The following DAPK2 variants were observed in gnomAD, a reference collection of about 807,000 sequenced individuals.
DAPK2 encodes death associated protein kinase 2, also known as death-associated protein kinase 2.
In DAPK2, 35 loss-of-function variants were observed where a neutral mutation model predicts 44.1. That is an observed-to-expected ratio of 0.79 (90% CI 0.61 to 1.05). The LOEUF (loss-of-function observed/expected upper bound fraction) is 1.05, where lower values mean the gene tolerates loss of function less well. Ranked by LOEUF, DAPK2 falls within the 50% of genes least tolerant of loss-of-function variation. The probability of loss-of-function intolerance (pLI) is 0.00; values close to 1 mark genes in which losing one functional copy is unlikely to be tolerated. For synonymous variants in DAPK2, 174 were observed against 182.6 expected (o/e 0.95, Z 0.38); for missense variants, 453 against 483.2 (o/e 0.94, Z 0.59).
chr15:63,989,315 C>A (rs2078753838), intron 1 of DAPK2, among the ~76,000 whole-genome samples: 1 of 151,774 alleles, frequency 6.6e-6, no homozygotes, highest in Non-Finnish European at 1.5e-5. Context: ...TATGATCATA[C>A]CACTGCACTT....
At chr15:63,987,260 T>C (rs1211081199) in intron 1 of DAPK2, among the ~76,000 whole-genome samples, 1 of 152,060 alleles carries the variant, frequency 6.6e-6, no homozygotes, top group African/African-American at 2.4e-5. Context: ...CAACAGGCCT[T>C]TTTCTGCACA....
At chr15:63,983,469 G>C (rs557453626) in intron 2 of DAPK2, 64 bp downstream of exon 3, 1 of 1,517,688 alleles carries the variant, frequency 6.6e-7, no homozygotes, top group South Asian at 1.1e-5. Flanking sequence ...TGTGGCTGGA[G>C]TTTCCACTGC....
At chr15:63,969,886 C>A (rs2078163679) in intron 3 of DAPK2, among the ~76,000 whole-genome samples, 1 of 152,198 alleles carries the variant, frequency 6.6e-6, no homozygotes, top group African/African-American at 2.4e-5. Context: ...GGCATAGCCA[C>A]TGTGAGATAA....
At chr15:64,002,677 C>T (rs1319606012) in intron 1 of DAPK2, among the ~76,000 whole-genome samples, 4 of 152,168 alleles carry the variant, frequency 2.6e-5, no homozygotes, top group African/African-American at 7.2e-5. Flanking sequence ...AAAGGCCACA[C>T]ACATGCAAGG....
At chr15:64,015,018 G>A (rs1173411511) in intron 1 of DAPK2, among the ~76,000 whole-genome samples, 1 of 152,188 alleles carries the variant, frequency 6.6e-6, no homozygotes, top group Non-Finnish European at 1.5e-5. Flanking sequence ...ATGCAGTAAG[G>A]AAGAATGCTA....
At chr15:63,932,900 T>G (rs752642760) in intron 4 of DAPK2, among the ~76,000 whole-genome samples, 27 of 152,366 alleles carry the variant, frequency 1.8e-4, no homozygotes, top group Admixed American at 3.9e-4. Context: ...TCATCCATGC[T>G]TTTTACATTT....
chr15:63,929,723 C>T (rs746263277), intron 5 of DAPK2, 146 bp from the exon 7 acceptor site: 11 of 908,888 alleles, frequency 1.2e-5, no homozygotes, highest in Admixed American at 4.0e-5. Context: ...CACCCATCTC[C>T]ATCCTGCTCT....
chr15:64,035,604 T>G (rs2080158522), intron 1 of DAPK2, among the ~76,000 whole-genome samples: 1 of 152,228 alleles, frequency 6.6e-6, no homozygotes, highest in Admixed American at 6.5e-5. Flanking sequence ...CTTAGCCTCA[T>G]CTACAAAATG....
At chr15:63,946,415 GGACA>G (rs754090490) in intron 3 of DAPK2, among the ~76,000 whole-genome samples, 3 of 152,234 alleles carry the variant, frequency 2.0e-5, no homozygotes, top group Non-Finnish European at 2.9e-5. Flanking sequence ...TATGAAAACT[GGACA>G]GACACTGGAG....
intron 3 of DAPK2, chr15:63,942,098 G>A (rs1047953583): frequency 7.6e-6 from 4 of 525,562 alleles, no homozygotes; most frequent in Non-Finnish European, 9.8e-6. Context: ...AATGGGGGTG[G>A]GAGCCAGACC....
chr15:63,953,836 A>AGT (rs2077653619), intron 3 of DAPK2, among the ~76,000 whole-genome samples: 1 of 152,164 alleles, frequency 6.6e-6, no homozygotes, highest in African/African-American at 2.4e-5. Context: ...ATGATGTCTC[A>AGT]CTGGAGTTTT....
intron 3 of DAPK2, 127 bp downstream of exon 4, chr15:63,971,296 A>T: frequency 8.5e-7 from 1 of 1,180,580 alleles, no homozygotes; most frequent in Non-Finnish European, 1.2e-6. Context: ...CCATGAGCTC[A>T]GGGTTTTTCA....
chr15:63,998,120 T>C (rs2078996046), intron 1 of DAPK2, among the ~76,000 whole-genome samples: 1 of 152,184 alleles, frequency 6.6e-6, no homozygotes, highest in African/African-American at 2.4e-5. Context: ...GCCTGACATA[T>C]CCTTGGTGCT....
At chr15:63,963,154 C>A (rs1694385273) in intron 3 of DAPK2, among the ~76,000 whole-genome samples, 1 of 152,228 alleles carries the variant, frequency 6.6e-6, no homozygotes, top group African/African-American at 2.4e-5. Flanking sequence ...CTGAGCCAGG[C>A]ACGGGATACA....
At chr15:64,008,511 T>G (rs1200521817) in intron 1 of DAPK2, among the ~76,000 whole-genome samples, 3 of 152,184 alleles carry the variant, frequency 2.0e-5, no homozygotes, top group South Asian at 2.1e-4. Context: ...AGAACATAGT[T>G]TCATAGACAA....
chr15:64,024,690 TTC>T (rs2079786760), intron 1 of DAPK2, among the ~76,000 whole-genome samples: 1 of 152,138 alleles, frequency 6.6e-6, no homozygotes, highest in Non-Finnish European at 1.5e-5. Flanking sequence ...TCCACTGCCC[TTC>T]TCCCCTCTGC....
At chr15:63,928,107 T>C (rs1176049968) in intron 6 of DAPK2, among the ~76,000 whole-genome samples, 1 of 152,234 alleles carries the variant, frequency 6.6e-6, no homozygotes, top group Non-Finnish European at 1.5e-5. Context: ...GGCTCTGATC[T>C]GAAACTATAG....
intron 3 of DAPK2, among the ~76,000 whole-genome samples, chr15:63,953,040 G>A (rs879400502): frequency 6.6e-6 from 1 of 151,652 alleles, no homozygotes; most frequent in Admixed American, 6.6e-5. Flanking sequence ...GGTTACATAA[G>A]TTCTTTAGTG....
At chr15:64,018,514 G>A (rs2079596419) in intron 1 of DAPK2, among the ~76,000 whole-genome samples, 1 of 152,136 alleles carries the variant, frequency 6.6e-6, no homozygotes, top group Admixed American at 6.5e-5. Flanking sequence ...CGCAACAAAT[G>A]GCCTCCCCCA....
Sources: allele counts gnomAD v4.1 joint callset (sites outside exome capture counted in the v4.1 genomes callset), GRCh38; gene constraint gnomAD v4.1.1; transcripts MANE v1.5; gene names NCBI Gene and HGNC (gene_info 2026-07-23, HGNC 2026-07-21).